The following SPOCK3 variants were observed in gnomAD, a reference collection of about 807,000 sequenced individuals.
SPOCK3 encodes SPARC (osteonectin), cwcv and kazal like domains proteoglycan 3.
SPOCK3 carries 30 observed loss-of-function variants against 56.6 expected under a neutral mutation model. That is an observed-to-expected ratio of 0.53 (90% confidence interval 0.40 to 0.72). SPOCK3 has a LOEUF of 0.72. Ranked by LOEUF, SPOCK3 falls within the 30% of genes least tolerant of loss-of-function variation. SPOCK3 has a pLI of 0.00. For synonymous variants in SPOCK3, 196 were observed against 183.3 expected (o/e 1.07, Z -0.56); for missense variants, 527 against 530.0 (o/e 0.99, Z 0.06).
chr4:166,822,146 G>A (rs1033078085), intron 6 of SPOCK3, among the ~76,000 whole-genome samples: 6 of 151,268 alleles, frequency 4.0e-5, no homozygotes, highest in African/African-American at 1.5e-4. Flanking sequence ...TCATATCAGT[G>A]CTTATCTCAC....
At chr4:167,119,982 T>G in intron 2 of SPOCK3, 2 of 629,898 alleles carry the variant, frequency 3.2e-6, no homozygotes, top group South Asian at 4.9e-5. Context: ...GTAAATCGCT[T>G]CCACTGAAAT....
At chr4:166,770,681 A>G (rs1428387125) in intron 7 of SPOCK3, among the ~76,000 whole-genome samples, 2 of 152,210 alleles carry the variant, frequency 1.3e-5, no homozygotes, top group African/African-American at 4.8e-5. Context: ...CGTATTGACA[A>G]TCATTAAATT....
intron 2 of SPOCK3, among the ~76,000 whole-genome samples, chr4:167,107,695 T>G (rs1043219819): frequency 2.0e-5 from 3 of 151,824 alleles, no homozygotes; most frequent in African/African-American, 7.2e-5. Context: ...ACTTTATATT[T>G]GGAAAAACTT....
At chr4:166,923,207 T>C (rs544491478) in intron 4 of SPOCK3, among the ~76,000 whole-genome samples, 46 of 152,340 alleles carry the variant, frequency 3.0e-4, no homozygotes, top group African/African-American at 9.9e-4. Context: ...CTCCTGTTTT[T>C]GTCTGTGTCA....
chr4:167,059,122 A>C (rs1288559121), intron 3 of SPOCK3, among the ~76,000 whole-genome samples: 5 of 152,144 alleles, frequency 3.3e-5, no homozygotes, highest in Non-Finnish European at 7.3e-5. Flanking sequence ...CACCAAAAGC[A>C]GTGGCAACAA....
chr4:167,156,103 T>C (rs1255335336), intron 2 of SPOCK3, among the ~76,000 whole-genome samples: 1 of 152,180 alleles, frequency 6.6e-6, no homozygotes. Context: ...CAAAATAGTA[T>C]CATAACATTT....
chr4:166,891,807 T>A (rs1734816369), intron 5 of SPOCK3, among the ~76,000 whole-genome samples: 1 of 151,934 alleles, frequency 6.6e-6, no homozygotes, highest in Non-Finnish European at 1.5e-5. Flanking sequence ...ATGACATAAT[T>A]TAAGGAAAGT....
At chr4:166,932,965 A>G (rs1362507968) in intron 4 of SPOCK3, among the ~76,000 whole-genome samples, 2 of 152,194 alleles carry the variant, frequency 1.3e-5, no homozygotes, top group African/African-American at 4.8e-5. Context: ...GTAGCAATTT[A>G]TACTTGTAAT....
intron 5 of SPOCK3, among the ~76,000 whole-genome samples, chr4:166,893,374 C>A (rs149267169): frequency 6.6e-6 from 1 of 152,174 alleles, no homozygotes; most frequent in East Asian, 1.9e-4. Context: ...ATTCTACAAA[C>A]CAACTTAATT....
At chr4:167,033,732 A>G (rs72973590) in intron 3 of SPOCK3, among the ~76,000 whole-genome samples, 56 of 152,046 alleles carry the variant, frequency 3.7e-4, no homozygotes, top group African/African-American at 1.3e-3. Context: ...TGTTACCAAA[A>G]ATATTTATAG....
intron 2 of SPOCK3, among the ~76,000 whole-genome samples, chr4:167,165,326 A>C (rs1765663010): frequency 6.6e-6 from 1 of 152,194 alleles, no homozygotes; most frequent in African/African-American, 2.4e-5. Context: ...ACAAAGATGT[A>C]ATATCCAGAA....
At chr4:167,222,887 GAATA>G (rs1390004441) in intron 2 of SPOCK3, among the ~76,000 whole-genome samples, 5 of 123,354 alleles carry the variant, frequency 4.1e-5, no homozygotes, top group Non-Finnish European at 7.9e-5. Context: ...ATTGATATAT[GAATA>G]TATAAATATA....
At chr4:167,003,596 G>A (rs1021476026) in intron 3 of SPOCK3, among the ~76,000 whole-genome samples, 4 of 152,218 alleles carry the variant, frequency 2.6e-5, no homozygotes, top group East Asian at 1.9e-4. Flanking sequence ...TCTTCTTTCC[G>A]TCTTGTTTTC....
intron 6 of SPOCK3, among the ~76,000 whole-genome samples, chr4:166,840,248 A>G (rs1217895196): frequency 6.6e-6 from 1 of 151,976 alleles, no homozygotes; most frequent in Non-Finnish European, 1.5e-5. Flanking sequence ...AGCTCCCTAC[A>G]CAGCATTTTT....
chr4:166,754,705 A>G lies in SPOCK3; in HGVS notation c.734T>C (p.Ile245Thr). Residue 245 changes from isoleucine to threonine, a missense_variant, in exon 8 of 11, where the codon ATT becomes ACT. Physicochemically the swap from Ile to Thr is moderately conservative, Grantham distance 89. Transcript: ENST00000357545. ...CATCCAGCCAAGTGAGTCCTTGCAA[A>G]TTGGCAAGATGCTGGTATCGAATCC... is the stretch of plus-strand genomic sequence containing the variant. ...RSRFDTSILP[I>T]CKDSLGWMFN... 1 of 1,613,566 alleles carries G rather than the reference A, an allele frequency of 6.2e-7. No individual in the cohort carries two copies. The highest frequency in any genetic ancestry group is 8.5e-7 in the Non-Finnish European group (1 of 1,179,666).
chr4:166,928,940 C>A (rs1739417477), intron 4 of SPOCK3, among the ~76,000 whole-genome samples: 1 of 151,978 alleles, frequency 6.6e-6, no homozygotes, highest in Non-Finnish European at 1.5e-5. Flanking sequence ...TGCACTCCAG[C>A]CTGGGCGATA....
intron 3 of SPOCK3, among the ~76,000 whole-genome samples, chr4:167,053,219 G>GT (rs377306972): frequency 6.4e-4 from 97 of 150,452 alleles, no homozygotes; most frequent in Admixed American, 7.3e-4. Flanking sequence ...GCTGGTTTTT[G>GT]TTTTTTTTTC....
intron 6 of SPOCK3, among the ~76,000 whole-genome samples, chr4:166,842,535 C>G (rs1747545608): frequency 6.6e-6 from 1 of 152,172 alleles, no homozygotes; most frequent in Non-Finnish European, 1.5e-5. Context: ...ACACAAGGTG[C>G]TGATTGGTGT....
Position 167,090,077 on chromosome 4 carries a change from C to T in SPOCK3, c.190-27540G>A, listed in dbSNP as rs184877946. On this transcript the variant is annotated intron_variant, in intron 2 of 10. Coordinates refer to ENST00000357545, the MANE Select transcript of SPOCK3 (RefSeq NM_001040159.2). ...TATGGGGTAATTACGAACCAAAGTG[C>T]TATGCATATTTATAACAAGTTTTGT... is the stretch of plus-strand genomic sequence containing the variant. 3.9e-5 allele frequency among the ~76,000 whole-genome samples: 6 copies of T among 152,226 alleles called. No individual in the cohort carries two copies. The East Asian group carries it at 9.7e-4, about 24-fold the overall frequency.
Sources: allele counts gnomAD v4.1 joint callset (sites outside exome capture counted in the v4.1 genomes callset), GRCh38; gene constraint gnomAD v4.1.1; transcripts MANE v1.5; gene names NCBI Gene and HGNC (gene_info 2026-07-23, HGNC 2026-07-21).